Variants in CCDC85A observed in about 807,000 individuals in gnomAD.
CCDC85A encodes the protein coiled-coil domain-containing protein 85A.
CCDC85A carries 38 observed loss-of-function variants against 50.2 expected under a neutral mutation model. The ratio of observed to expected loss-of-function variants is 0.76; its 90% CI spans 0.58 to 0.99. The LOEUF is 0.99. Among genes scored for constraint, CCDC85A ranks in the 50% least tolerant of loss-of-function variants. The pLI is 0.00. For synonymous variants in CCDC85A, 366 were observed against 301.4 expected (o/e 1.21, Z -2.22); for missense variants, 820 against 742.0 (o/e 1.11, Z -1.22).
chr2:56,316,302 A>G (rs1558637423), intron 2 of CCDC85A, among the ~76,000 whole-genome samples: 2 of 152,086 alleles, frequency 1.3e-5, no homozygotes, highest in African/African-American at 4.8e-5. Flanking sequence ...CTATTCTTGC[A>G]TATTAGTGGA....
At chr2:56,242,982 C>G (rs1339288785) in intron 2 of CCDC85A, among the ~76,000 whole-genome samples, 1 of 151,872 alleles carries the variant, frequency 6.6e-6, no homozygotes, top group Non-Finnish European at 1.5e-5. Flanking sequence ...AAGTGGATAT[C>G]CAGGTTTCCC....
At chr2:56,239,353 G>A (rs1365902839) in intron 2 of CCDC85A, among the ~76,000 whole-genome samples, 1 of 152,042 alleles carries the variant, frequency 6.6e-6, no homozygotes, top group African/African-American at 2.4e-5. Flanking sequence ...GCATAAAGTG[G>A]TATGCTTATG....
intron 2 of CCDC85A, among the ~76,000 whole-genome samples, chr2:56,326,970 G>T (rs1420087730): frequency 6.6e-6 from 1 of 151,982 alleles, no homozygotes; most frequent in Non-Finnish European, 1.5e-5. Context: ...CTCAGCTAAG[G>T]ATATTTAACT....
In CCDC85A at chr2:56,184,865, C is replaced by T. The variant is rs1050465530; in HGVS notation, c.241C>T (p.Leu81=). The T allele has an allele frequency of 1.4e-5, 21 of 1,535,800 alleles. No homozygotes were observed. Among genetic ancestry groups the T allele is most frequent in the African/African-American group, 4.2e-5 (3 of 71,674 alleles). Residue 81 remains leucine, a synonymous_variant, in exon 1 of 6, where the codon CTG becomes TTG. Coordinates refer to ENST00000407595, the MANE Select transcript of CCDC85A (RefSeq NM_001080433.2). ...SNLIREVNRR[L]QLHLGEIRGL... ...CCTCATCCGCGAGGTGAACCGCCGC[C>T]TGCAGCTGCACCTCGGCGAGATCCG...
At chr2:56,225,296 C>T (rs546874636) in intron 2 of CCDC85A, among the ~76,000 whole-genome samples, 55 of 152,200 alleles carry the variant, frequency 3.6e-4, no homozygotes, top group African/African-American at 1.3e-3. Context: ...CGTGGTGGTG[C>T]ATGCCTGTAA....
chr2:56,217,020 C>T (rs979782440), intron 2 of CCDC85A, among the ~76,000 whole-genome samples: 2 of 151,880 alleles, frequency 1.3e-5, no homozygotes, highest in African/African-American at 4.8e-5. Context: ...ATGTCATGCA[C>T]AGCAAAGTTG....
At chr2:56,286,369 T>G (rs1427439452) in intron 2 of CCDC85A, among the ~76,000 whole-genome samples, 1 of 152,198 alleles carries the variant, frequency 6.6e-6, no homozygotes, top group Non-Finnish European at 1.5e-5. Flanking sequence ...CCACTTAGTA[T>G]TATTGAAGCT....
intron 1 of CCDC85A, among the ~76,000 whole-genome samples, chr2:56,189,623 T>C (rs1343072263): frequency 6.6e-6 from 1 of 152,148 alleles, no homozygotes; most frequent in Non-Finnish European, 1.5e-5. Flanking sequence ...AAATTTCAAC[T>C]TTTATTTTAG....
Position 56,193,204 on chromosome 2 carries a change from G to A in CCDC85A, c.1004G>A (p.Ser335Asn), listed in dbSNP as rs752033468. 9.3e-6 allele frequency: 15 copies of A among 1,613,774 alleles called. No homozygotes were observed. Among genetic ancestry groups the A allele is most frequent in the Non-Finnish European group, 1.2e-5 (14 of 1,179,824 alleles). ...SPEHARHSGG[S>N]PEHLQKHALG... ...GAACACGCCAGGCACAGTGGAGGGAGCCCGGAGCATCTTCAGAAACACGCT... is the reference window on the plus strand; with the variant it reads ...GAACACGCCAGGCACAGTGGAGGGAACCCGGAGCATCTTCAGAAACACGCT... Residue 335 changes from serine (S) to asparagine (N), a missense_variant, in exon 2 of 6, where the codon AGC becomes AAC. Coordinates refer to ENST00000407595, the MANE Select transcript of CCDC85A (RefSeq NM_001080433.2).
At chr2:56,276,910 A>C (rs1670972816) in intron 2 of CCDC85A, among the ~76,000 whole-genome samples, 1 of 152,132 alleles carries the variant, frequency 6.6e-6, no homozygotes. Flanking sequence ...TCCAGCAGTG[A>C]ACTTCGTTTT....
intron 2 of CCDC85A, among the ~76,000 whole-genome samples, chr2:56,246,276 A>G (rs1669505864): frequency 6.6e-6 from 1 of 152,196 alleles, no homozygotes; most frequent in Non-Finnish European, 1.5e-5. Flanking sequence ...TATAATCTAG[A>G]TACAAGTTGC....
At chr2:56,210,879 A>G (rs1677156304) in intron 2 of CCDC85A, among the ~76,000 whole-genome samples, 1 of 152,070 alleles carries the variant, frequency 6.6e-6, no homozygotes, top group African/African-American at 2.4e-5. Flanking sequence ...TGAAGTAGTC[A>G]TAAGCCGATC....
chr2:56,270,078 A>G (rs572282835), intron 2 of CCDC85A, among the ~76,000 whole-genome samples: 3 of 152,148 alleles, frequency 2.0e-5, no homozygotes, highest in Admixed American at 6.5e-5. Flanking sequence ...TTCATTGCAT[A>G]AATTATTAAG....
At chr2:56,306,929 T>C (rs1000414464) in intron 2 of CCDC85A, among the ~76,000 whole-genome samples, 1 of 152,168 alleles carries the variant, frequency 6.6e-6, no homozygotes, top group Non-Finnish European at 1.5e-5. Context: ...AAGACATTTT[T>C]TCTAGTTCAG....
chr2:56,259,477 C>T (rs553371159), intron 2 of CCDC85A, among the ~76,000 whole-genome samples: 204 of 152,280 alleles, frequency 1.3e-3, no homozygotes, highest in Non-Finnish European at 2.4e-3. Flanking sequence ...AAGGAATGTG[C>T]CCACTGGGAG....
At chr2:56,355,986 A>G (rs773201414) in intron 3 of CCDC85A, among the ~76,000 whole-genome samples, 7 of 152,230 alleles carry the variant, frequency 4.6e-5, no homozygotes, top group East Asian at 1.9e-4. Context: ...AGCTCTATCA[A>G]TTGTTTGTGA....
chr2:56,233,357 C>G (rs373621670), intron 2 of CCDC85A, among the ~76,000 whole-genome samples: 114 of 152,290 alleles, frequency 7.5e-4, no homozygotes, highest in African/African-American at 2.7e-3. Context: ...CCTTCCTTGT[C>G]TCATCCTTTG....
chr2:56,306,233 G>A (rs1366663334), intron 2 of CCDC85A, among the ~76,000 whole-genome samples: 1 of 152,030 alleles, frequency 6.6e-6, no homozygotes, highest in Non-Finnish European at 1.5e-5. Flanking sequence ...GGGTTCAAGC[G>A]ATTCTCCTGC....
chr2:56,288,317 T>C (rs1009385441), intron 2 of CCDC85A, among the ~76,000 whole-genome samples: 1 of 151,858 alleles, frequency 6.6e-6, no homozygotes, highest in Admixed American at 6.6e-5. Context: ...TTTTTCCTTT[T>C]AGCATCAAGA....
Sources: gnomAD v4.1 joint callset for allele counts (sites outside exome capture counted in the v4.1 genomes callset) on GRCh38, gnomAD v4.1.1 for gene constraint, MANE v1.5 for transcripts, NCBI Gene and HGNC (gene_info 2026-07-23, HGNC 2026-07-21) for gene names.